Variants in CDC20B observed in about 807,000 individuals in gnomAD.
The protein encoded by CDC20B is cell division cycle 20B, also known as cell division cycle protein 20 homolog B.
A neutral mutation model predicts 64.1 loss-of-function variants in CDC20B; 58 were observed. The ratio of observed to expected loss-of-function variants is 0.90; its 90% CI spans 0.73 to 1.13. The LOEUF is 1.13. Among genes scored for constraint, CDC20B ranks in the 50% most tolerant of loss-of-function variants. CDC20B has a pLI of 0.00. For missense variants in CDC20B, 597 were observed against 633.0 expected, an observed-to-expected ratio of 0.94 and a Z score of 0.61; for synonymous variants, 243 against 230.6, an observed-to-expected ratio of 1.05 and a Z score of -0.49.
chr5:55,127,484 A>G, intron 7 of CDC20B, 133 bp from the exon 8 acceptor site: 1 of 679,926 alleles, frequency 1.5e-6, no homozygotes, highest in Non-Finnish European at 2.6e-6. Context: ...ACATCTAGCC[A>G]GCAGTTCTCA....
At chr5:55,155,301 A>C (rs541526410) in intron 2 of CDC20B, among the ~76,000 whole-genome samples, 37 of 152,234 alleles carry the variant, frequency 2.4e-4, no homozygotes, top group Admixed American at 6.5e-4. Flanking sequence ...GAGAAAATAG[A>C]AACAAATATG....
At chr5:55,120,333 A>G in intron 10 of CDC20B, 92 bp downstream of exon 10, 2 of 1,446,350 alleles carry the variant, frequency 1.4e-6, no homozygotes, top group South Asian at 1.2e-5. Flanking sequence ...ATAGAGAAAG[A>G]GAGCTTGTTG....
intron 8 of CDC20B, 36 bp from the exon 9 acceptor site, chr5:55,125,064 T>A: frequency 6.5e-7 from 1 of 1,543,180 alleles, no homozygotes; most frequent in Non-Finnish European, 8.9e-7. Flanking sequence ...TAAGCCCTGT[T>A]GCTACATAAA....
At chr5:55,127,942 T>C (rs965198325) in intron 7 of CDC20B, among the ~76,000 whole-genome samples, 1 of 152,086 alleles carries the variant, frequency 6.6e-6, no homozygotes, top group Admixed American at 6.5e-5. Flanking sequence ...TGCACATGAG[T>C]GATATTGTTT....
At chr5:55,163,076 G>A (rs434658) in intron 2 of CDC20B, among the ~76,000 whole-genome samples, 95,205 of 151,988 alleles carry the variant, frequency 0.63, 30,189 homozygotes, top group Admixed American at 0.71. Flanking sequence ...AGCACGGAGC[G>A]TACATTAATC....
At chr5:55,163,367 T>C (rs1278118720) in intron 2 of CDC20B, among the ~76,000 whole-genome samples, 4 of 151,966 alleles carry the variant, frequency 2.6e-5, no homozygotes, top group Non-Finnish European at 4.4e-5. Context: ...AAAAAAGTTA[T>C]TGCTTTTCAA....
rs575163218 is a variant in CDC20B, at chr5:55,131,407, C to G, written c.697+2005G>C. On this transcript the variant is annotated intron_variant, in intron 6 of 11. Transcript: ENST00000381375. ...AAAAAAAGAAAAGATGTCCAAGGAA[C>G]AGGCCTTGGGTACTCCAACATTTAG... 2.6e-5 allele frequency among the ~76,000 whole-genome samples: 4 copies of G among 152,274 alleles called. No homozygotes were observed. The East Asian group carries it at 5.8e-4, about 22-fold the overall frequency.
In CDC20B at chr5:55,143,517, C is replaced by G. The variant is rs1292766211; in HGVS notation, c.482G>C (p.Gly161Ala). ...AGTTTTTTTCTCTTTACCTACCTGC[C>G]CTTTTGAGGCAACACTTTCTTTCCA... Reference protein sequence around the residue: ...RDWKESVASKGQKCLKQLFVT... With the variant: ...RDWKESVASKAQKCLKQLFVT... The change falls in exon 4 of 12, where the codon GGG becomes GCG. Residue 161 changes from glycine (G) to alanine (A), a missense_variant. Physicochemically the swap from Gly to Ala is moderately conservative, Grantham distance 60 (BLOSUM62 0). Around this residue, in one of 3 missense-constraint regions of CDC20B, gnomAD observed 241 missense variants for 219.2 expected, o/e 1.10. Coordinates refer to ENST00000381375, the MANE Select transcript of CDC20B (RefSeq NM_001170402.1). 3 of 1,593,228 alleles carry G rather than the reference C, an allele frequency of 1.9e-6. No individual in the cohort carries two copies. The highest frequency in any genetic ancestry group is 2.6e-6 in the Non-Finnish European group (3 of 1,170,958).
chr5:55,125,728 C>G (rs1742869676), intron 8 of CDC20B, among the ~76,000 whole-genome samples: 2 of 152,176 alleles, frequency 1.3e-5, no homozygotes, highest in Admixed American at 6.5e-5. Flanking sequence ...AAATGATGTT[C>G]CACAATTATT....
Position 55,146,644 on chromosome 5 carries a change from T to C in CDC20B, c.339A>G (p.Lys113=), listed in dbSNP as rs150714957. The part of the protein sequence containing the change: ...SGSVLKTPPE[K]ETLTLGSRKE... ...GCACCTCACCTAGAGTCAAGGTCTC[T>C]TTCTCAGGCGGTGTCTTCAGCACTG... Residue 113 remains lysine, a synonymous_variant, in exon 3 of 12, where the codon AAA becomes AAG. Coordinates refer to ENST00000381375, the MANE Select transcript of CDC20B (RefSeq NM_001170402.1). 8.7e-4 allele frequency: 1,403 copies of C among 1,614,032 alleles called. 2 individuals are homozygous for C. Among genetic ancestry groups the C allele is most frequent in the Non-Finnish European group, 1.1e-3 (1,295 of 1,179,916 alleles).
Position 55,155,831 on chromosome 5 carries a change from T to C in CDC20B, c.127-8975A>G, listed in dbSNP as rs544275941. On this transcript the variant is annotated intron_variant, in intron 2 of 11. Coordinates refer to ENST00000381375, the MANE Select transcript of CDC20B (RefSeq NM_001170402.1). ...ATCTGGACCTGCTGCTCTGCAGACC[T>C]CCCGTGGCCCCTTCCAGATAACTTC... Among the ~76,000 whole-genome samples, 3 of 152,300 alleles carry C rather than the reference T, an allele frequency of 2.0e-5. No homozygotes were observed. The South Asian group carries it at 6.2e-4, about 32-fold the overall frequency.
At chr5:55,130,545 C>T (rs1743004531) in intron 6 of CDC20B, among the ~76,000 whole-genome samples, 1 of 152,126 alleles carries the variant, frequency 6.6e-6, no homozygotes, top group Admixed American at 6.6e-5. Flanking sequence ...TCTTTCAACC[C>T]AGAATTCTAT....
chr5:55,159,134 T>C (rs888202658), intron 2 of CDC20B, among the ~76,000 whole-genome samples: 2 of 152,084 alleles, frequency 1.3e-5, no homozygotes, highest in Admixed American at 1.3e-4. Flanking sequence ...CTCCCACCTT[T>C]GCCACCTGTA....
intron 11 of CDC20B, among the ~76,000 whole-genome samples, chr5:55,117,361 C>T (rs73115893): frequency 0.032 from 4,827 of 152,212 alleles, 232 homozygotes; most frequent in African/African-American, 0.11. Context: ...CAATCCACAG[C>T]CAAAACTATA....
chr5:55,133,908 C>CCAGGTGT (rs1207962108), intron 5 of CDC20B, among the ~76,000 whole-genome samples: 3 of 152,152 alleles, frequency 2.0e-5, no homozygotes, highest in Non-Finnish European at 2.9e-5. Flanking sequence ...TTACCTGGTA[C>CCAGGTGT]ACCTATGCCC....
At position 55,146,831 on chromosome 5, in the gene CDC20B, T is replaced by C. The variant is rs371294393; in HGVS notation, c.152A>G (p.Tyr51Cys). ...ANVLDSVNATYSDFKSNFAKR... is the reference protein window; with the variant it reads ...ANVLDSVNATCSDFKSNFAKR... Reference sequence around the variant, plus strand: ...CGCAAAGTTGCTCTTAAAGTCAGAATACGTAGCATTAACTGAATCGAGTAC... The same window carrying C: ...CGCAAAGTTGCTCTTAAAGTCAGAACACGTAGCATTAACTGAATCGAGTAC... The change falls in exon 3 of 12, where the codon TAT becomes TGT. Residue 51 changes from tyrosine to cysteine, a missense_variant. By Grantham distance (194) the Tyr-to-Cys change is radical (BLOSUM62 -2). Around this residue, in one of 3 missense-constraint regions of CDC20B, gnomAD observed 241 missense variants for 219.2 expected, o/e 1.10. Coordinates refer to ENST00000381375, the MANE Select transcript of CDC20B (RefSeq NM_001170402.1). 2 of 1,613,996 alleles carry C rather than the reference T, an allele frequency of 1.2e-6. No homozygotes were observed. The highest frequency in any genetic ancestry group is 2.7e-5 in the African/African-American group (2 of 74,922).
intron 9 of CDC20B, among the ~76,000 whole-genome samples, chr5:55,123,183 T>C (rs191146783): frequency 1.1e-4 from 16 of 152,296 alleles, no homozygotes; most frequent in African/African-American, 3.4e-4. Flanking sequence ...ATGTAATGTT[T>C]TCAGTCAAAA....
At chr5:55,147,038 A>G (rs902195141) in intron 2 of CDC20B, among the ~76,000 whole-genome samples, 182 bp from the exon 3 acceptor site, 4 of 148,128 alleles carry the variant, frequency 2.7e-5, no homozygotes, top group Admixed American at 6.7e-5. Context: ...TTTTGTATAT[A>G]GTTATACGTA....
At chr5:55,115,675 A>C (rs1166980608) in intron 11 of CDC20B, among the ~76,000 whole-genome samples, 1 of 152,244 alleles carries the variant, frequency 6.6e-6, no homozygotes, top group Non-Finnish European at 1.5e-5. Flanking sequence ...ATGGGTGGTC[A>C]CTGCTCAAAG....
Sources: allele counts gnomAD v4.1 joint callset (sites outside exome capture counted in the v4.1 genomes callset), GRCh38; gene constraint gnomAD v4.1.1; regional missense constraint gnomAD v4.1.1; transcripts MANE v1.5; gene names NCBI Gene and HGNC (gene_info 2026-07-23, HGNC 2026-07-21).